The following CCDC30 variants were observed in gnomAD, a reference collection of about 807,000 sequenced individuals.
The protein encoded by CCDC30 is coiled-coil domain containing 30.
A neutral mutation model predicts 100.2 loss-of-function variants in CCDC30; 70 were observed. The ratio of observed to expected loss-of-function variants is 0.70; its 90% CI spans 0.58 to 0.85. The LOEUF (loss-of-function observed/expected upper bound fraction) is 0.85, where lower values mean the gene tolerates loss of function less well. CCDC30 is among the 40% of genes least tolerant of loss of function. The pLI is 0.00. For synonymous variants in CCDC30, 233 were observed against 269.5 expected (o/e 0.86, Z 1.33); for missense variants, 652 against 771.2 (o/e 0.85, Z 1.83).
chr1:42,630,414 G>A (rs867234114), intron 11 of CCDC30, among the ~76,000 whole-genome samples: 3 of 146,960 alleles, frequency 2.0e-5, no homozygotes, highest in African/African-American at 2.5e-5. Flanking sequence ...ATGGAGTCTC[G>A]CTCTGTTGCC....
intron 11 of CCDC30, among the ~76,000 whole-genome samples, chr1:42,624,645 A>G (rs768550421): frequency 6.6e-5 from 10 of 152,124 alleles, no homozygotes; most frequent in Non-Finnish European, 1.2e-4. Context: ...ATGCCCAACT[A>G]ATTTTTAATT....
At chr1:42,456,423 A>T in the CCDC30 span, 1 of 904,736 alleles carries the variant, frequency 1.1e-6, no homozygotes, top group Non-Finnish European at 1.6e-6. Context: ...GCATTTCCAG[A>T]CTTGGCGAGA....
intron 1 of CCDC30, among the ~76,000 whole-genome samples, chr1:42,479,027 A>G (rs533168369): frequency 1.6e-4 from 24 of 152,322 alleles, no homozygotes; most frequent in African/African-American, 5.3e-4. Flanking sequence ...ACAAAGTTGG[A>G]GCACTAACAC....
intron 15 of CCDC30, among the ~76,000 whole-genome samples, chr1:42,651,498 G>A (rs753997613): frequency 2.6e-5 from 4 of 151,458 alleles, no homozygotes; most frequent in Admixed American, 6.6e-5. Context: ...ATCATGAATC[G>A]TTATGGAAAT....
chr1:42,510,056 T>G, intron 6 of CCDC30: 1 of 984,582 alleles, frequency 1.0e-6, no homozygotes, highest in Non-Finnish European at 1.2e-6. Flanking sequence ...AGTCTCGGGG[T>G]TTGTGTTGTA....
At chr1:42,527,027 C>T (rs1049344741) in intron 6 of CCDC30, among the ~76,000 whole-genome samples, 2 of 152,150 alleles carry the variant, frequency 1.3e-5, no homozygotes, top group African/African-American at 4.8e-5. Context: ...GGATTTCCAA[C>T]ATACTTTGTG....
intron 7 of CCDC30, among the ~76,000 whole-genome samples, chr1:42,572,333 A>C (rs1645749847): frequency 6.6e-6 from 1 of 152,142 alleles, no homozygotes; most frequent in South Asian, 2.1e-4. Context: ...GTGCTTGTTC[A>C]AGATTTTGTT....
chr1:42,653,335 A>G (rs1648515715), intron 15 of CCDC30, 41 bp from the exon 20 acceptor site: 1 of 1,239,892 alleles, frequency 8.1e-7, no homozygotes, highest in Non-Finnish European at 1.2e-6. Flanking sequence ...CTAATGGTTT[A>G]TCATTATAAC....
intron 10 of CCDC30, among the ~76,000 whole-genome samples, chr1:42,603,252 T>G (rs1038229209): frequency 2.0e-5 from 3 of 152,160 alleles, no homozygotes; most frequent in Admixed American, 6.5e-5. Flanking sequence ...TGTCTTCACA[T>G]AGTGGAAAGG....
At chr1:42,521,716 G>T (rs755016565) in intron 6 of CCDC30, among the ~76,000 whole-genome samples, 5 of 151,418 alleles carry the variant, frequency 3.3e-5, no homozygotes, top group African/African-American at 4.9e-5. Flanking sequence ...TTTTTCTTTT[G>T]TTTTTTGATG....
intron 6 of CCDC30, among the ~76,000 whole-genome samples, chr1:42,524,553 G>T (rs6702464): frequency 2.0e-5 from 3 of 151,516 alleles, no homozygotes; most frequent in Non-Finnish European, 2.9e-5. Context: ...ACCTGACTCT[G>T]TCTGTACCTA....
chr1:42,522,215 C>T (rs1644659146), intron 6 of CCDC30, among the ~76,000 whole-genome samples: 1 of 151,664 alleles, frequency 6.6e-6, no homozygotes, highest in Non-Finnish European at 1.5e-5. Flanking sequence ...TTAATATTTT[C>T]AATCCAGGGT....
At chr1:42,647,441 C>T (rs1215582912) in intron 15 of CCDC30, among the ~76,000 whole-genome samples, 1 of 152,122 alleles carries the variant, frequency 6.6e-6, no homozygotes, top group Non-Finnish European at 1.5e-5. Flanking sequence ...ATATATAAGG[C>T]TAACATTAAT....
chr1:42,497,319 C>T, intron 5 of CCDC30, 106 bp downstream of exon 5: 1 of 527,122 alleles, frequency 1.9e-6, no homozygotes, highest in Non-Finnish European at 2.9e-6. Flanking sequence ...TTAGCAGGGA[C>T]CAATACTGGT....
intron 6 of CCDC30, among the ~76,000 whole-genome samples, chr1:42,528,701 G>A (rs1644762147): frequency 6.6e-6 from 1 of 152,190 alleles, no homozygotes; most frequent in African/African-American, 2.4e-5. Context: ...GTCATTCACT[G>A]GAGGCTACCT....
chr1:42,606,856 T>A lies in CCDC30; in HGVS notation c.1165-4122T>A, dbSNP rs139649375. On this transcript the variant is annotated intron_variant, in intron 10 of 16. Coordinates refer to ENST00000668663, the Ensembl canonical transcript of CCDC30. ...ACTGTGGTTTCTCAACATTTCAAGA[T>A]AAATGAATCCACCATGAGGACCGTT... 6.5e-3 allele frequency among the ~76,000 whole-genome samples: 995 copies of A among 152,324 alleles called. 15 individuals carry two copies. Among genetic ancestry groups the A allele is most frequent in the African/African-American group, 0.023 (958 of 41,564 alleles).
chr1:42,538,461 A>G (rs995335461), intron 6 of CCDC30, among the ~76,000 whole-genome samples: 2 of 151,732 alleles, frequency 1.3e-5, no homozygotes, highest in African/African-American at 4.8e-5. Context: ...GCTGTCCATC[A>G]TGGCACCCTT....
intron 13 of CCDC30, 42 bp downstream of exon 17, chr1:42,642,651 G>C (rs1335882013): frequency 6.9e-6 from 10 of 1,440,632 alleles, no homozygotes; most frequent in Non-Finnish European, 9.2e-6. Context: ...CTCCACAAGA[G>C]GATGTTTCTC....
intron 11 of CCDC30, among the ~76,000 whole-genome samples, chr1:42,626,286 A>G (rs10789419): frequency 0.62 from 93,424 of 151,788 alleles, 29,015 homozygotes; most frequent in South Asian, 0.69. Flanking sequence ...TAGATCATTG[A>G]GTCTTGCTTT....
Sources: allele counts gnomAD v4.1 joint callset (sites outside exome capture counted in the v4.1 genomes callset), GRCh38; gene constraint gnomAD v4.1.1; transcripts MANE v1.5; gene names NCBI Gene and HGNC (gene_info 2026-07-23, HGNC 2026-07-21).